MAP4: variants seen among roughly 807,000 people sequenced by gnomAD.
MAP4 encodes the protein microtubule associated protein 4, also known as microtubule-associated protein 4.
A neutral mutation model predicts 170.2 loss-of-function variants in MAP4; 76 were observed. The ratio of observed to expected loss-of-function variants is 0.45; its 90% CI spans 0.37 to 0.54. The LOEUF is 0.54. MAP4 is among the 20% of genes least tolerant of loss of function. MAP4 has a pLI of 0.00. For synonymous variants in MAP4, 909 were observed against 994.5 expected (o/e 0.91, Z 1.62); for missense variants, 2,506 against 2,748.0 (o/e 0.91, Z 1.97).
chr3:47,913,553 T>C (rs1343536098), intron 8 of MAP4, among the ~76,000 whole-genome samples: 1 of 152,194 alleles, frequency 6.6e-6, no homozygotes, highest in Non-Finnish European at 1.5e-5. Context: ...CCTGAGAACT[T>C]ATCTCTTCAT....
Position 47,921,108 on chromosome 3 carries a change from A to C in MAP4, c.529+657T>G, listed in dbSNP as rs866653949. Among the ~76,000 whole-genome samples, 7 of 152,246 alleles carry C rather than the reference A, an allele frequency of 4.6e-5. 1 individual carries two copies. The Middle Eastern group carries it at 0.01, about 222-fold the overall frequency. On this transcript the variant is annotated intron_variant, in intron 5 of 20. Coordinates refer to ENST00000683076, the MANE Select transcript of MAP4 (RefSeq NM_001385682.1). The stretch of plus-strand genomic sequence containing the variant: ...GGCTGCAGTGGGCCGTGATCGCATC[A>C]CTGCACTCCAACCTGGGTGACAGAG...
intron 3 of MAP4, among the ~76,000 whole-genome samples, chr3:47,958,560 A>T (rs2154150806): frequency 6.6e-6 from 1 of 152,258 alleles, no homozygotes; most frequent in Admixed American, 6.5e-5. Context: ...TCTGTTGCCC[A>T]GGCTGGAGTG....
chr3:47,946,094 T>C (rs973112911), intron 3 of MAP4, among the ~76,000 whole-genome samples: 1 of 150,736 alleles, frequency 6.6e-6, no homozygotes, highest in Non-Finnish European at 1.5e-5. Context: ...GCCACCATGC[T>C]TGGCTAATTT....
chr3:47,947,945 A>G (rs2100061210), intron 3 of MAP4, among the ~76,000 whole-genome samples: 1 of 152,194 alleles, frequency 6.6e-6, no homozygotes, highest in African/African-American at 2.4e-5. Context: ...GAAACATGCA[A>G]TAAATACACA....
chr3:48,053,380 G>A lies in MAP4; in HGVS notation c.-20+35393C>T, dbSNP rs115262267. On this transcript the variant is annotated intron_variant, in intron 1 of 18. Coordinates refer to the MAP4 transcript ENST00000360240. ...AGGGTTCATTGAAACAACACTGCTA[G>A]TATCTCCTATTTCCTCCAAGAACAA... is the stretch of plus-strand genomic sequence containing the variant. 4.0e-3 allele frequency among the ~76,000 whole-genome samples: 610 copies of A among 152,166 alleles called. 6 individuals carry two copies. Among genetic ancestry groups the A allele is most frequent in the African/African-American group, 0.014 (591 of 41,498 alleles).
chr3:47,857,320 G>A (rs2058171287), intron 18 of MAP4, 111 bp downstream of exon 18: 1 of 816,706 alleles, frequency 1.2e-6, no homozygotes, highest in East Asian at 2.4e-5. Flanking sequence ...AGTCTTCATG[G>A]GATGCTAAAG....
intron 2 of MAP4, among the ~76,000 whole-genome samples, chr3:47,987,994 A>G (rs1410585646): frequency 2.6e-5 from 4 of 152,154 alleles, no homozygotes; most frequent in Non-Finnish European, 5.9e-5. Context: ...GGAGATTGAG[A>G]CCATCCTGGC....
At chr3:48,025,848 C>T (rs528749376) in intron 1 of MAP4, among the ~76,000 whole-genome samples, 22 of 150,294 alleles carry the variant, frequency 1.5e-4, no homozygotes, top group Non-Finnish European at 2.5e-4. Context: ...TGCAGTGAGC[C>T]GAGATCGTAC....
At chr3:48,087,211 T>G (rs1171599468) in intron 1 of MAP4, among the ~76,000 whole-genome samples, 3 of 152,204 alleles carry the variant, frequency 2.0e-5, no homozygotes, top group Non-Finnish European at 2.9e-5. Flanking sequence ...TGAAGAGAGA[T>G]GTCCCAATCT....
chr3:47,959,660 G>A (rs1301220373), intron 3 of MAP4, among the ~76,000 whole-genome samples: 3 of 150,958 alleles, frequency 2.0e-5, no homozygotes, highest in African/African-American at 7.3e-5. Context: ...TCAGGAGGCT[G>A]AGGCAGGAGC....
At chr3:47,903,480 C>T (rs1435346759) in intron 9 of MAP4, among the ~76,000 whole-genome samples, 1 of 151,662 alleles carries the variant, frequency 6.6e-6, no homozygotes, top group Admixed American at 6.6e-5. Flanking sequence ...GTGCAGTGAG[C>T]CGAGATCGCG....
At chr3:48,043,908 C>T (rs1201899721) in intron 1 of MAP4, among the ~76,000 whole-genome samples, 9 of 151,984 alleles carry the variant, frequency 5.9e-5, no homozygotes, top group Admixed American at 3.9e-4. Flanking sequence ...TGCAGTGGCG[C>T]GACCTTGGCT....
intron 1 of MAP4, among the ~76,000 whole-genome samples, chr3:48,056,152 CGGGA>C (rs2100131264): frequency 7.0e-6 from 1 of 142,078 alleles, no homozygotes; most frequent in Non-Finnish European, 1.6e-5. Context: ...CCGCCCCATC[CGGGA>C]GGGAGGTGGG....
At chr3:47,972,747 G>A (rs1257952194) in intron 3 of MAP4, among the ~76,000 whole-genome samples, 6 of 152,178 alleles carry the variant, frequency 3.9e-5, no homozygotes, top group East Asian at 1.9e-4. Flanking sequence ...TTAGCTGGGC[G>A]TGGTGGCGGG....
Position 47,870,818 on chromosome 3 carries a change from C to G in MAP4, c.6289G>C (p.Gly2097Arg). The G allele has an allele frequency of 6.5e-7, 1 of 1,548,364 alleles. No homozygotes were observed. Among genetic ancestry groups the G allele is most frequent in the Non-Finnish European group, 8.7e-7 (1 of 1,145,080 alleles). ...TENIKHQPGG[G>R]RAKVEKKTEA... ...CCCAAGCTCCCTGGACCCACCCGGCCTCCTCCAGGCTGATGCTTGATGTTT... is the reference window on the plus strand; with the variant it reads ...CCCAAGCTCCCTGGACCCACCCGGCGTCCTCCAGGCTGATGCTTGATGTTT... Residue 2097 changes from glycine (G) to arginine (R), a missense_variant, in exon 15 of 21, where the codon GGC (glycine) becomes CGC (arginine). Transcript: ENST00000683076.
intron 3 of MAP4, among the ~76,000 whole-genome samples, chr3:47,940,405 G>T (rs2100055529): frequency 6.6e-6 from 1 of 152,128 alleles, no homozygotes; most frequent in Non-Finnish European, 1.5e-5. Context: ...TAGCATACTT[G>T]CAATCTACTC....
At chr3:47,982,077 G>C (rs1011557888) in intron 2 of MAP4, among the ~76,000 whole-genome samples, 5 of 152,096 alleles carry the variant, frequency 3.3e-5, no homozygotes, top group African/African-American at 1.2e-4. Flanking sequence ...TTGAGGCCAG[G>C]AATTCGAGAC....
intron 1 of MAP4, among the ~76,000 whole-genome samples, chr3:48,064,423 C>A (rs1247486764): frequency 8.5e-5 from 13 of 152,130 alleles, no homozygotes; most frequent in Non-Finnish European, 1.9e-4. Context: ...TCAATCAGAA[C>A]TCCTGACTCA....
chr3:47,973,644 A>G (rs931025309), intron 3 of MAP4: 52 of 985,296 alleles, frequency 5.3e-5, no homozygotes, highest in Non-Finnish European at 5.7e-5. Flanking sequence ...TCAATCATGA[A>G]GTGTGAGTGT....
Sources: gnomAD v4.1 joint callset for allele counts (sites outside exome capture counted in the v4.1 genomes callset) on GRCh38, gnomAD v4.1.1 for gene constraint, MANE v1.5 for transcripts, NCBI Gene and HGNC (gene_info 2026-07-23, HGNC 2026-07-21) for gene names.